HS3ST5: variants seen among roughly 807,000 people sequenced by gnomAD.
HS3ST5 encodes heparan sulfate glucosamine 3-O-sulfotransferase 5.
HS3ST5 carries 10 observed loss-of-function variants against 25.4 expected under a neutral mutation model. That is an observed-to-expected ratio of 0.39 (90% CI 0.24 to 0.67). The LOEUF (loss-of-function observed/expected upper bound fraction) is 0.67. Ranked by LOEUF, HS3ST5 falls within the 30% of genes least tolerant of loss-of-function variation. The pLI is 0.44. For synonymous variants in HS3ST5, 170 were observed against 162.4 expected (o/e 1.05, Z -0.36); for missense variants, 324 against 420.7 (o/e 0.77, Z 2.01).
chr6:114,062,927 T>A, intron 3 of HS3ST5, 50 bp from the exon 4 acceptor site: 1 of 1,086,520 alleles, frequency 9.2e-7, no homozygotes, highest in Non-Finnish European at 1.4e-6. Flanking sequence ...CTCTGTTGGT[T>A]GTCACAGAGC....
intron 2 of HS3ST5, among the ~76,000 whole-genome samples, chr6:114,195,742 G>A (rs902100010): frequency 1.3e-5 from 2 of 152,128 alleles, no homozygotes. Flanking sequence ...GTTGGAGAGA[G>A]GAGAAAGAGG....
intron 1 of HS3ST5, among the ~76,000 whole-genome samples, chr6:114,284,135 C>T (rs1774238542): frequency 6.6e-6 from 1 of 151,930 alleles, no homozygotes; most frequent in Admixed American, 6.6e-5. Context: ...TACTCATATG[C>T]CCTTACTCAG....
At chr6:114,309,180 A>C (rs540141324) in intron 1 of HS3ST5, among the ~76,000 whole-genome samples, 52 of 152,298 alleles carry the variant, frequency 3.4e-4, no homozygotes, top group Admixed American at 7.8e-4. Context: ...CACTCTAAGA[A>C]ATCTTTTCAC....
At chr6:114,253,157 T>C (rs1772741333) in intron 1 of HS3ST5, among the ~76,000 whole-genome samples, 1 of 152,220 alleles carries the variant, frequency 6.6e-6, no homozygotes, top group Non-Finnish European at 1.5e-5. Flanking sequence ...GTGGTGCCAG[T>C]GTACCTTAGC....
chr6:114,088,210 G>A (rs545159629), intron 3 of HS3ST5, among the ~76,000 whole-genome samples: 1 of 152,050 alleles, frequency 6.6e-6, no homozygotes, highest in Non-Finnish European at 1.5e-5. Context: ...GGATGTGCTA[G>A]CCTACAGCAT....
intron 2 of HS3ST5, among the ~76,000 whole-genome samples, chr6:114,197,542 A>G (rs1780822517): frequency 6.6e-6 from 1 of 152,118 alleles, no homozygotes; most frequent in Non-Finnish European, 1.5e-5. Context: ...GGTATATTGT[A>G]TAATGCTGAG....
At chr6:114,259,386 G>A (rs1773068700) in intron 1 of HS3ST5, among the ~76,000 whole-genome samples, 1 of 152,072 alleles carries the variant, frequency 6.6e-6, no homozygotes, top group African/African-American at 2.4e-5. Context: ...TTGTAATGTT[G>A]ATTTTTTATA....
chr6:114,300,015 T>A (rs1015483594), intron 1 of HS3ST5, among the ~76,000 whole-genome samples: 1 of 152,058 alleles, frequency 6.6e-6, no homozygotes, highest in African/African-American at 2.4e-5. Flanking sequence ...GACAGCCTGA[T>A]AATACAGCAA....
Position 114,062,747 on chromosome 6 carries a change from G to A in HS3ST5, c.99C>T (p.Ser33=), listed in dbSNP as rs1773204113. ...SLLYLVARVG[S]LDRLQPICPI... is the part of the protein sequence containing the mutation. ...GTGTTTTAAGCACCCACCTATCCAA[G>A]CTCCCAACTCTGGCGACTAGATACA... Residue 33 remains serine, a synonymous_variant, in exon 4 of 5, where the codon AGC becomes AGT. Transcript: ENST00000312719. 6.2e-7 allele frequency: 1 copy of A among 1,611,866 alleles called. No individual in the cohort carries two copies. The highest frequency in any genetic ancestry group is 1.3e-5 in the African/African-American group (1 of 74,842).
intron 1 of HS3ST5, among the ~76,000 whole-genome samples, chr6:114,272,845 G>A (rs1427633127): frequency 6.6e-6 from 1 of 152,112 alleles, no homozygotes; most frequent in Admixed American, 6.6e-5. Flanking sequence ...GCCTTAAAGT[G>A]TAAATATTTG....
chr6:114,110,010 T>A (rs1393906712), intron 3 of HS3ST5, among the ~76,000 whole-genome samples: 2 of 152,162 alleles, frequency 1.3e-5, no homozygotes, highest in African/African-American at 4.8e-5. Context: ...ACATGCCATG[T>A]CATTCTTCAA....
intron 3 of HS3ST5, among the ~76,000 whole-genome samples, chr6:114,137,612 A>G (rs1326614121): frequency 1.3e-5 from 2 of 152,220 alleles, no homozygotes; most frequent in African/African-American, 4.8e-5. Context: ...TCTCTCCTGA[A>G]GTCTCAGTGG....
chr6:114,120,519 G>C (rs1776738532), intron 3 of HS3ST5, among the ~76,000 whole-genome samples: 1 of 152,076 alleles, frequency 6.6e-6, no homozygotes, highest in Non-Finnish European at 1.5e-5. Flanking sequence ...TGTGTAAAAT[G>C]AACAACAGAT....
At chr6:114,185,766 G>A (rs1780190164) in intron 2 of HS3ST5, among the ~76,000 whole-genome samples, 1 of 148,640 alleles carries the variant, frequency 6.7e-6, no homozygotes, top group Non-Finnish European at 1.5e-5. Context: ...TTGAGAAAGG[G>A]TCTTGATCTG....
At chr6:114,125,761 A>G (rs899517110) in intron 3 of HS3ST5, among the ~76,000 whole-genome samples, 28 of 152,220 alleles carry the variant, frequency 1.8e-4, no homozygotes, top group African/African-American at 6.8e-4. Context: ...TCTCAAATAT[A>G]TCAACTTGAT....
chr6:114,127,882 A>G (rs904468337), intron 3 of HS3ST5, among the ~76,000 whole-genome samples: 1 of 150,938 alleles, frequency 6.6e-6, no homozygotes, highest in African/African-American at 2.4e-5. Context: ...AGACTTATAT[A>G]TAGAGAGAGA....
At chr6:114,080,193 C>T (rs1365023517) in intron 3 of HS3ST5, among the ~76,000 whole-genome samples, 3 of 152,164 alleles carry the variant, frequency 2.0e-5, no homozygotes, top group Non-Finnish European at 4.4e-5. Flanking sequence ...CCTTGTACAT[C>T]TCCATCAGGA....
chr6:114,306,161 G>T (rs1775278731), intron 1 of HS3ST5, among the ~76,000 whole-genome samples: 1 of 149,332 alleles, frequency 6.7e-6, no homozygotes, highest in South Asian at 2.1e-4. Context: ...TTCTCATAAG[G>T]GTCCAAATTT....
chr6:114,092,044 T>C (rs1437565839), intron 3 of HS3ST5, among the ~76,000 whole-genome samples: 1 of 152,200 alleles, frequency 6.6e-6, no homozygotes, highest in African/African-American at 2.4e-5. Flanking sequence ...TCTTCGTTTT[T>C]CCAAATGACA....
Sources: allele counts gnomAD v4.1 joint callset (sites outside exome capture counted in the v4.1 genomes callset), GRCh38; gene constraint gnomAD v4.1.1; transcripts MANE v1.5; gene names NCBI Gene and HGNC (gene_info 2026-07-23, HGNC 2026-07-21).